JARID2: variants seen among roughly 807,000 people sequenced by gnomAD.
JARID2 encodes protein Jumonji.
A neutral mutation model predicts 125.6 loss-of-function variants in JARID2; 21 were observed. The ratio of observed to expected loss-of-function variants is 0.17; its 90% confidence interval spans 0.12 to 0.24. The LOEUF is 0.24. Ranked by LOEUF, JARID2 falls within the 10% of genes least tolerant of loss-of-function variation. JARID2 has a pLI of 1.00. For missense variants in JARID2, 1,303 were observed against 1,639.6 expected, an observed-to-expected ratio of 0.79 and a Z score of 3.55; for synonymous variants, 736 against 661.6, an observed-to-expected ratio of 1.11 and a Z score of -1.73.
chr6:15,461,486 G>A (rs750669720), intron 4 of JARID2, among the ~76,000 whole-genome samples: 17 of 152,184 alleles, frequency 1.1e-4, no homozygotes, highest in Non-Finnish European at 2.1e-4. Flanking sequence ...ATGCATCTAG[G>A]AGGTCATTGC....
At chr6:15,509,383 C>A (rs1289593215) in intron 12 of JARID2, 2 of 984,712 alleles carry the variant, frequency 2.0e-6, no homozygotes, top group African/African-American at 1.7e-5. Flanking sequence ...CGTGTTCTCC[C>A]TCTTTGGAGC....
chr6:15,300,808 G>C (rs985240393), intron 1 of JARID2, among the ~76,000 whole-genome samples: 1 of 151,636 alleles, frequency 6.6e-6, no homozygotes, highest in Non-Finnish European at 1.5e-5. Context: ...ATGATTCTTA[G>C]AGGTGTTACA....
intron 1 of JARID2, among the ~76,000 whole-genome samples, chr6:15,274,111 G>T (rs925872190): frequency 6.6e-6 from 1 of 152,032 alleles, no homozygotes; most frequent in Non-Finnish European, 1.5e-5. Flanking sequence ...TGTATTTTTA[G>T]TACAGACGGG....
intron 1 of JARID2, among the ~76,000 whole-genome samples, chr6:15,283,269 C>T (rs141353066): frequency 0.079 from 11,472 of 145,202 alleles, 611 homozygotes; most frequent in East Asian, 0.26. Context: ...TGAGCCACTG[C>T]GCCCGGCCGT....
chr6:15,506,709 T>C (rs949161282), intron 9 of JARID2, among the ~76,000 whole-genome samples: 1 of 152,210 alleles, frequency 6.6e-6, no homozygotes, highest in Non-Finnish European at 1.5e-5. Context: ...TAAAAGTCAC[T>C]TCGGAAGCTT....
intron 1 of JARID2, among the ~76,000 whole-genome samples, chr6:15,320,883 T>TGTGTGTGTGTGTGTGTGTGTGTG (rs773153042): frequency 3.3e-5 from 5 of 151,224 alleles, no homozygotes; most frequent in Admixed American, 2.0e-4. Flanking sequence ...TGTGTGTGTG[T>TGTGTGTGTGTGTGTGTGTGTGTG]TAGTTAAACT....
Position 15,507,110 on chromosome 6 carries a change from G to T in JARID2, c.2542-26G>T. 3 of 1,478,886 alleles carry T rather than the reference G, an allele frequency of 2.0e-6. No homozygotes were observed. In the South Asian group the frequency reaches 3.4e-5, roughly 17 times the overall value. 91.6% of individuals were successfully genotyped at this position (1,478,886 alleles called of 1,614,324 possible). A position where few individuals can be genotyped will look rare whatever the true frequency, so the allele number is the denominator to read the frequency against. ...GTGGCTGCAGCACCTTAGGGGTGCT[G>T]ACCAGCCCTTTCCTGTTCCCTGCAG... On this transcript the variant is annotated intron_variant, in intron 9 of 17. Transcript: ENST00000341776.
At chr6:15,484,220 C>T (rs1382698493) in intron 5 of JARID2, among the ~76,000 whole-genome samples, 1 of 152,098 alleles carries the variant, frequency 6.6e-6, no homozygotes, top group Non-Finnish European at 1.5e-5. Context: ...TTTGCTCAGG[C>T]AGGTGATTAG....
At position 15,520,082 on chromosome 6, in the gene JARID2, G is replaced by T; in HGVS notation, c.3572G>T (p.Ser1191Ile). The change falls in exon 18 of 18, where the codon AGT (serine) becomes ATT (isoleucine). Residue 1191 changes from serine (S) to isoleucine (I), a missense_variant. Transcript: ENST00000341776. The part of the protein sequence containing the change: ...MYRYDEEQII[S>I]LVNQICGKVS... ...ACCCCCAAACAGGAACAGATTATCA[G>T]TCTGGTCAATCAGATCTGCGGCAAA... 6.2e-7 allele frequency: 1 copy of T among 1,612,560 alleles called. No individual in the cohort carries two copies. The highest frequency in any genetic ancestry group is 1.7e-4 in the Middle Eastern group (1 of 6,056).
At chr6:15,517,596 A>G (rs1007622010) in intron 17 of JARID2, among the ~76,000 whole-genome samples, 1 of 152,216 alleles carries the variant, frequency 6.6e-6, no homozygotes, top group African/African-American at 2.4e-5. Flanking sequence ...TGTCCCAGGC[A>G]CAGTGGGATG....
chr6:15,319,895 A>G (rs1762297985), intron 1 of JARID2, among the ~76,000 whole-genome samples: 3 of 152,228 alleles, frequency 2.0e-5, no homozygotes. Context: ...GCTTCACTGC[A>G]TCATTTACCT....
chr6:15,490,615 C>T (rs1474904726), intron 6 of JARID2, among the ~76,000 whole-genome samples: 1 of 152,118 alleles, frequency 6.6e-6, no homozygotes, highest in African/African-American at 2.4e-5. Context: ...GCCTGTATAA[C>T]ATTGCATTGT....
chr6:15,501,274 C>T lies in JARID2; in HGVS notation c.2313C>T (p.Arg771=). ...GCGTGGCCCCCAGGAACGGCTTCCG[C>T]AGCAAGCTCAAGGAGGTGGGCCAGG... ...IHGVAPRNGF[R]SKLKEVGQAQ... Residue 771 remains arginine (R), a synonymous_variant, in exon 8 of 18, where the codon CGC becomes CGT. Coordinates refer to ENST00000341776, the MANE Select transcript of JARID2 (RefSeq NM_004973.4). The T allele has an allele frequency of 1.2e-6, 2 of 1,613,590 alleles. No homozygotes were observed. Among genetic ancestry groups the T allele is most frequent in the East Asian group, 2.2e-5 (1 of 44,854 alleles).
At chr6:15,247,639 T>G in intron 1 of JARID2, 1 of 985,292 alleles carries the variant, frequency 1.0e-6, no homozygotes, top group South Asian at 4.7e-5. Context: ...ATATTTTCCC[T>G]TTTTGATCAT....
At chr6:15,447,032 G>A (rs1187522697) in intron 3 of JARID2, among the ~76,000 whole-genome samples, 1 of 152,122 alleles carries the variant, frequency 6.6e-6, no homozygotes, top group Non-Finnish European at 1.5e-5. Context: ...AAAGTGACCA[G>A]CCTTTCTTAT....
chr6:15,441,292 C>A (rs1237599030), intron 3 of JARID2, among the ~76,000 whole-genome samples: 1 of 152,126 alleles, frequency 6.6e-6, no homozygotes, highest in Admixed American at 6.5e-5. Flanking sequence ...CGTTGATAGA[C>A]CTACTTTCTG....
At chr6:15,511,128 G>A (rs1435505829) in intron 12 of JARID2, among the ~76,000 whole-genome samples, 168 bp from the exon 13 acceptor site, 1 of 152,232 alleles carries the variant, frequency 6.6e-6, no homozygotes, top group Non-Finnish European at 1.5e-5. Flanking sequence ...CATGGGAAAT[G>A]GGAGCCAGCA....
At chr6:15,261,611 C>T (rs921193254) in intron 1 of JARID2, among the ~76,000 whole-genome samples, 4 of 151,690 alleles carry the variant, frequency 2.6e-5, no homozygotes, top group Non-Finnish European at 2.9e-5. Context: ...TGAGCCACCC[C>T]GCCCGGCCTG....
At chr6:15,440,368 C>T (rs1219953970) in intron 3 of JARID2, among the ~76,000 whole-genome samples, 1 of 152,122 alleles carries the variant, frequency 6.6e-6, no homozygotes, top group Non-Finnish European at 1.5e-5. Context: ...AGATTGTAAT[C>T]GAGGTAGAAT....
Sources: gnomAD v4.1 joint callset for allele counts (sites outside exome capture counted in the v4.1 genomes callset) on GRCh38, gnomAD v4.1.1 for gene constraint, MANE v1.5 for transcripts, NCBI Gene and HGNC (gene_info 2026-07-23, HGNC 2026-07-21) for gene names.